The following CCBE1 variants were observed in gnomAD, a reference collection of about 807,000 sequenced individuals.
CCBE1 encodes the protein collagen and calcium binding EGF domains 1, also known as collagen and calcium-binding EGF domain-containing protein 1.
In CCBE1, 37 loss-of-function variants were observed where a neutral mutation model predicts 50.0. The observed-to-expected ratio is 0.74, with a 90% CI of 0.57 to 0.97. The LOEUF is 0.97. Among genes scored for constraint, CCBE1 ranks in the 50% least tolerant of loss-of-function variants. The pLI is 0.00. For missense variants in CCBE1, 538 were observed against 523.8 expected (o/e 1.03, Z -0.26); for synonymous variants, 234 against 203.7 (o/e 1.15, Z -1.27).
chr18:59,525,346 C>T lies in CCBE1; in HGVS notation c.213-45108G>A, dbSNP rs191820725. Among the ~76,000 whole-genome samples the T allele has an allele frequency of 2.2e-4, 34 of 152,304 alleles. No individual in the cohort carries two copies. The East Asian group carries it at 6.4e-3, about 29-fold the overall frequency. ...TGACCAGTGATGTTGAGCTTTTGCT[C>T]ATATACTTGTTGGCCACATAAATGT... On this transcript the variant is annotated intron_variant, in intron 2 of 10. Transcript: ENST00000439986.
intron 2 of CCBE1, among the ~76,000 whole-genome samples, chr18:59,576,082 C>T (rs1438717928): frequency 6.6e-6 from 1 of 152,190 alleles, no homozygotes; most frequent in Non-Finnish European, 1.5e-5. Context: ...CATTCACGTT[C>T]TTGCATTTAA....
intron 2 of CCBE1, among the ~76,000 whole-genome samples, chr18:59,502,110 G>A (rs1408228637): frequency 1.3e-5 from 2 of 152,204 alleles, no homozygotes; most frequent in East Asian, 3.8e-4. Context: ...CTACGAGTCA[G>A]CATTTTTAAA....
intron 2 of CCBE1, among the ~76,000 whole-genome samples, chr18:59,595,852 A>G (rs189962798): frequency 7.2e-5 from 11 of 152,348 alleles, no homozygotes; most frequent in African/African-American, 2.6e-4. Flanking sequence ...AGTGGGTACC[A>G]CAGTGGTGGC....
chr18:59,512,202 TC>T (rs1407459240), intron 2 of CCBE1, among the ~76,000 whole-genome samples: 1 of 152,186 alleles, frequency 6.6e-6, no homozygotes, highest in Non-Finnish European at 1.5e-5. Flanking sequence ...AAGGGTGTGG[TC>T]CCTGGCTAGG....
intron 2 of CCBE1, among the ~76,000 whole-genome samples, chr18:59,624,833 G>T (rs1195164485): frequency 1.3e-5 from 2 of 152,082 alleles, no homozygotes; most frequent in African/African-American, 2.4e-5. Flanking sequence ...TAACCACCTG[G>T]GCTGTTTCTT....
chr18:59,644,567 CT>C (rs1428745681), intron 2 of CCBE1, among the ~76,000 whole-genome samples: 3 of 152,232 alleles, frequency 2.0e-5, no homozygotes, highest in Non-Finnish European at 2.9e-5. Flanking sequence ...CTTCAGAATG[CT>C]TTATCTAACT....
chr18:59,553,753 C>T (rs552671303), intron 2 of CCBE1, among the ~76,000 whole-genome samples: 10 of 152,328 alleles, frequency 6.6e-5, no homozygotes, highest in African/African-American at 1.2e-4. Flanking sequence ...TTCAGCTACC[C>T]GGGTCAGCCA....
intron 5 of CCBE1, chr18:59,465,576 C>G (rs1228876702): frequency 6.6e-6 from 1 of 152,164 alleles, no homozygotes; most frequent in African/African-American, 2.4e-5. Flanking sequence ...CTGTGAAACA[C>G]AAAGATGAAC....
At chr18:59,469,421 T>C (rs1911913400) in intron 4 of CCBE1, 52 bp downstream of exon 4, 1 of 1,613,348 alleles carries the variant, frequency 6.2e-7, no homozygotes, top group East Asian at 2.2e-5. Context: ...GACAGAACCA[T>C]CTGAACAAGG....
intron 7 of CCBE1, among the ~76,000 whole-genome samples, chr18:59,446,028 G>C (rs1910652401): frequency 6.6e-6 from 1 of 152,164 alleles, no homozygotes; most frequent in Non-Finnish European, 1.5e-5. Context: ...AAGCCTATTA[G>C]CTTTCTAGCT....
chr18:59,499,903 G>C (rs1282506034), intron 2 of CCBE1, among the ~76,000 whole-genome samples: 1 of 152,150 alleles, frequency 6.6e-6, no homozygotes, highest in Non-Finnish European at 1.5e-5. Flanking sequence ...GGAGCCAGCT[G>C]TGGTAGAAGC....
In CCBE1 at chr18:59,559,034, T is replaced by C. The variant is rs533303767; in HGVS notation, c.213-78796A>G. ...GGGATCTGACAATTGGTGATGAGGA[T>C]GGGATGAGGTGAGTGGGTCTTCAGT... On this transcript the variant is annotated intron_variant, in intron 2 of 10. Coordinates refer to ENST00000439986, the MANE Select transcript of CCBE1 (RefSeq NM_133459.4). Among the ~76,000 whole-genome samples, 142 of 140,944 alleles carry C rather than the reference T, an allele frequency of 1.0e-3. 1 individual carries two copies. The highest frequency in any genetic ancestry group is 3.9e-3 in the African/African-American group (136 of 35,112). 92.5% of individuals were successfully genotyped at this position (140,944 alleles called of 152,430 possible). A position where few individuals can be genotyped will look rare whatever the true frequency, so the allele number is the denominator to read the frequency against.
At chr18:59,610,463 G>C (rs2053553521) in intron 2 of CCBE1, among the ~76,000 whole-genome samples, 1 of 138,852 alleles carries the variant, frequency 7.2e-6, no homozygotes, top group African/African-American at 2.8e-5. Flanking sequence ...CACTAGAACA[G>C]AAAAGGTTGC....
At chr18:59,442,945 C>G (rs992230654) in intron 7 of CCBE1, among the ~76,000 whole-genome samples, 1 of 152,098 alleles carries the variant, frequency 6.6e-6, no homozygotes, top group Non-Finnish European at 1.5e-5. Flanking sequence ...CAGCTCCCTT[C>G]TATGTATCTA....
At chr18:59,521,557 C>T (rs1914601355) in intron 2 of CCBE1, among the ~76,000 whole-genome samples, 1 of 152,190 alleles carries the variant, frequency 6.6e-6, no homozygotes, top group South Asian at 2.1e-4. Context: ...AGTCTGTTCC[C>T]TCTTCCCACC....
At position 59,696,667 on chromosome 18, in the gene CCBE1, C is replaced by G. The variant is rs143938797; in HGVS notation, c.174G>C (p.Pro58=). 73 of 1,613,954 alleles carry G rather than the reference C, an allele frequency of 4.5e-5. No homozygotes were observed. Among genetic ancestry groups the G allele is most frequent in the Admixed American group, 1.0e-4 (6 of 60,004 alleles). The change falls in exon 2 of 11, where the codon CCG becomes CCC. Residue 58 remains proline, a synonymous_variant. Transcript: ENST00000439986. The part of the protein sequence containing the change: ...SESKIATTKY[P]CLKSSGELTT... The stretch of plus-strand genomic sequence containing the variant: ...TGAGCTCGCCTGAAGACTTCAGACA[C>G]GGGTATTTAGTCGTCGCGATTTTGC...
chr18:59,654,394 G>A (rs2054160645), intron 2 of CCBE1, among the ~76,000 whole-genome samples: 1 of 152,222 alleles, frequency 6.6e-6, no homozygotes, highest in Admixed American at 6.5e-5. Flanking sequence ...GGGAGACCAA[G>A]GTGGGTGGAT....
At chr18:59,544,621 C>G (rs548049768) in intron 2 of CCBE1, among the ~76,000 whole-genome samples, 77 of 152,072 alleles carry the variant, frequency 5.1e-4, no homozygotes, top group Non-Finnish European at 9.7e-4. Context: ...AGCTTCACAG[C>G]ACAAAATGAA....
At chr18:59,513,778 T>C (rs1436562489) in intron 2 of CCBE1, among the ~76,000 whole-genome samples, 1 of 152,214 alleles carries the variant, frequency 6.6e-6, no homozygotes. Context: ...GTACCTCATA[T>C]TAGAGACATG....
Sources: allele counts gnomAD v4.1 joint callset (sites outside exome capture counted in the v4.1 genomes callset), GRCh38; gene constraint gnomAD v4.1.1; transcripts MANE v1.5; gene names NCBI Gene and HGNC (gene_info 2026-07-23, HGNC 2026-07-21).